Variants in PARP12 observed in about 807,000 individuals in gnomAD.
PARP12 encodes protein mono-ADP-ribosyltransferase PARP12.
PARP12 carries 59 observed loss-of-function variants against 72.4 expected under a neutral mutation model. The observed-to-expected ratio is 0.81, with a 90% CI of 0.66 to 1.01. The LOEUF (loss-of-function observed/expected upper bound fraction) is 1.01. PARP12 is among the 50% of genes least tolerant of loss of function. PARP12 has a pLI of 0.00. For synonymous variants in PARP12, 403 were observed against 371.4 expected (o/e 1.09, Z -0.98); for missense variants, 851 against 914.0 (o/e 0.93, Z 0.89).
At chr7:140,035,622 T>A (rs1318150100) in intron 7 of PARP12, among the ~76,000 whole-genome samples, 1 of 152,120 alleles carries the variant, frequency 6.6e-6, no homozygotes, top group Non-Finnish European at 1.5e-5. Flanking sequence ...ATGACAAGAG[T>A]CCCTAAAAGG....
At chr7:140,051,029 T>C (rs909753286) in intron 4 of PARP12, among the ~76,000 whole-genome samples, 1 of 152,128 alleles carries the variant, frequency 6.6e-6, no homozygotes, top group African/African-American at 2.4e-5. Flanking sequence ...TCTATAGAGA[T>C]GGAACCTTCA....
intron 6 of PARP12, 77 bp downstream of exon 6, chr7:140,041,567 A>G: frequency 6.9e-7 from 1 of 1,442,638 alleles, no homozygotes; most frequent in Non-Finnish European, 9.4e-7. Context: ...CCCTGGCAAC[A>G]ATATGGGGGC....
rs1476920948 is a variant in PARP12, at chr7:140,062,532, G to C, written c.316C>G (p.Leu106Val). ...GGCGCGGCGCCTTACCCGGCTCTCA[G>C]GAACTTGCAGGCGCCGTAGACCATG... is the stretch of plus-strand genomic sequence containing the variant. ...RFMVYGACKF[L>V]RAGKNCRNSH... The change falls in exon 1 of 12, where the codon CTG becomes GTG. Residue 106 changes from leucine (L) to valine (V), a missense_variant. Around this residue, in one of 3 missense-constraint regions of PARP12, gnomAD observed 492 missense variants for 489.3 expected, o/e 1.01. Transcript: ENST00000263549. The C allele has an allele frequency of 6.4e-7, 1 of 1,552,178 alleles. No individual in the cohort carries two copies. The highest frequency in any genetic ancestry group is 8.7e-7 in the Non-Finnish European group (1 of 1,153,572).
chr7:140,037,846 T>A lies in PARP12; in HGVS notation c.1193A>T (p.His398Leu). The A allele has an allele frequency of 6.2e-7, 1 of 1,608,326 alleles. No homozygotes were observed. The highest frequency in any genetic ancestry group is 8.5e-7 in the Non-Finnish European group (1 of 1,175,190). ...WQEYGRQGTV[H>L]PVTTVSSSDV... ...GCTACTGCTGACAGTGGTCACAGGG[T>A]GCACCGTGCCCTGCGATGGAAAGCC... Residue 398 changes from histidine to leucine, a missense_variant, in exon 7 of 12, where the codon CAC becomes CTC. Transcript: ENST00000263549.
intron 5 of PARP12, among the ~76,000 whole-genome samples, chr7:140,045,992 G>T (rs1220715088): frequency 7.0e-6 from 1 of 143,354 alleles, no homozygotes. Context: ...GTGAACGATG[G>T]GAGTAGGCAC....
At chr7:140,036,533 G>C (rs545318055) in intron 7 of PARP12, among the ~76,000 whole-genome samples, 2 of 152,154 alleles carry the variant, frequency 1.3e-5, no homozygotes, top group Non-Finnish European at 2.9e-5. Context: ...AAAACCACAA[G>C]TGCCACGAAA....
intron 7 of PARP12, among the ~76,000 whole-genome samples, chr7:140,036,244 GT>G (rs375949549): frequency 1.6e-3 from 241 of 152,326 alleles, no homozygotes; most frequent in African/African-American, 5.5e-3. Flanking sequence ...ATTTCTATCT[GT>G]TTTGATATTT....
At chr7:140,055,958 G>A (rs1465095148) in intron 3 of PARP12, among the ~76,000 whole-genome samples, 1 of 152,246 alleles carries the variant, frequency 6.6e-6, no homozygotes, top group Non-Finnish European at 1.5e-5. Flanking sequence ...AGCTGAGAGG[G>A]TTTGATTCTG....
At chr7:140,026,606 C>CA in intron 10 of PARP12, among the ~76,000 whole-genome samples, 1 of 152,300 alleles carries the variant, frequency 6.6e-6, no homozygotes, top group African/African-American at 2.4e-5. Context: ...ACTCCAAAAG[C>CA]AGAGCAGCCC....
intron 11 of PARP12, 74 bp downstream of exon 11, chr7:140,026,123 G>C (rs1162409903): frequency 1.2e-6 from 2 of 1,608,678 alleles, no homozygotes; most frequent in African/African-American, 2.7e-5. Flanking sequence ...GTCCCCTCAT[G>C]CCCTCTAGCA....
In PARP12 at chr7:140,024,604, A is replaced by T; in HGVS notation, c.2062T>A (p.Ser688Thr). Residue 688 changes from serine to threonine, a missense_variant, in exon 12 of 12, where the codon TCC (serine) becomes ACC (threonine). Physicochemically the swap from Ser to Thr is moderately conservative, Grantham distance 58. Around this residue, in one of 3 missense-constraint regions of PARP12, gnomAD observed 347 missense variants for 396.1 expected, o/e 0.88. Coordinates refer to ENST00000263549, the MANE Select transcript of PARP12 (RefSeq NM_022750.4). ...AGGGAGCCCAAGGCCAGCAGGATGG[A>T]GGGTGTGACCGAGGGCTTGGAGGAG... ...TTSSKPSVTP[S>T]ILLALGSLFS... 2 of 1,614,178 alleles carry T rather than the reference A, an allele frequency of 1.2e-6. No individual in the cohort carries two copies. The highest frequency in any genetic ancestry group is 2.2e-5 in the South Asian group (2 of 91,082).
At chr7:140,037,914 G>A (rs73734184) in intron 6 of PARP12, 58 bp from the exon 7 acceptor site, 22 of 1,574,538 alleles carry the variant, frequency 1.4e-5, no homozygotes, top group African/African-American at 8.1e-5. Flanking sequence ...GAGGAAAAAC[G>A]CTGGTGGCAC....
chr7:140,056,511 G>A (rs999728967), intron 3 of PARP12, among the ~76,000 whole-genome samples: 1 of 152,186 alleles, frequency 6.6e-6, no homozygotes, highest in Non-Finnish European at 1.5e-5. Context: ...GTTCCTCCCT[G>A]AAGAGCATGC....
chr7:140,046,975 A>C lies in PARP12; in HGVS notation c.895T>G (p.Tyr299Asp). The change falls in exon 5 of 12, where the codon TAT (tyrosine) becomes GAT (aspartate). Residue 299 changes from tyrosine to aspartate, a missense_variant. Physicochemically the swap from Tyr to Asp is radical, Grantham distance 160. Around this residue, in one of 3 missense-constraint regions of PARP12, gnomAD observed 492 missense variants for 489.3 expected, o/e 1.01. Coordinates refer to ENST00000263549, the MANE Select transcript of PARP12 (RefSeq NM_022750.4). ...KCHRVHFHLP[Y>D]RWQFLDRGKW... ...CCTCTATCCAAGAATTGCCATCGAT[A>C]CGGCAAATGGAAATGAACTCTATGG... 2 of 1,613,940 alleles carry C rather than the reference A, an allele frequency of 1.2e-6. No individual in the cohort carries two copies. The highest frequency in any genetic ancestry group is 1.7e-6 in the Non-Finnish European group (2 of 1,179,952).
At chr7:140,058,097 AG>A (rs1474932748) in intron 1 of PARP12, 63 bp from the exon 2 acceptor site, 18 of 1,574,846 alleles carry the variant, frequency 1.1e-5, no homozygotes, top group Non-Finnish European at 3.5e-6. Flanking sequence ...TCTATGTTGG[AG>A]TCCTAACTCC....
intron 2 of PARP12, chr7:140,057,639 G>A (rs1018119285): frequency 8.2e-6 from 4 of 489,588 alleles, no homozygotes; most frequent in Admixed American, 3.5e-5. Flanking sequence ...AGCACACTGA[G>A]AGGCTCAGAG....
intron 6 of PARP12, among the ~76,000 whole-genome samples, chr7:140,040,700 C>G (rs1262890927): frequency 1.3e-5 from 2 of 152,098 alleles, no homozygotes; most frequent in East Asian, 3.8e-4. Flanking sequence ...CTCTTGAAAC[C>G]CAGAAGAGTA....
Position 140,041,844 on chromosome 7 carries a change from A to G in PARP12, c.987-5T>C. On this transcript the variant is annotated splice_polypyrimidine_tract_variant and splice_region_variant and intron_variant, in intron 5 of 11. Transcript: ENST00000263549. The stretch of plus-strand genomic sequence containing the variant: ...GCTGACTCAGAGCACAGGATCCTAC[A>G]GAAGAAAAACAGCAGCAGACTGAAA... 6.2e-7 allele frequency: 1 copy of G among 1,607,526 alleles called. No homozygotes were observed. Among genetic ancestry groups the G allele is most frequent in the Non-Finnish European group, 8.5e-7 (1 of 1,175,300 alleles).
intron 11 of PARP12, among the ~76,000 whole-genome samples, chr7:140,025,808 T>C (rs1815716184): frequency 6.6e-6 from 1 of 152,232 alleles, no homozygotes; most frequent in African/African-American, 2.4e-5. Flanking sequence ...ATAGCTAGAA[T>C]ACATGTTTAC....
Sources: allele counts gnomAD v4.1 joint callset (sites outside exome capture counted in the v4.1 genomes callset), GRCh38; gene constraint gnomAD v4.1.1; regional missense constraint gnomAD v4.1.1; transcripts MANE v1.5; gene names NCBI Gene and HGNC (gene_info 2026-07-23, HGNC 2026-07-21).